The following PABPC4L variants were observed in gnomAD, a reference collection of about 807,000 sequenced individuals.
PABPC4L encodes the protein polyadenylate-binding protein 4-like.
For missense variants in PABPC4L, 452 were observed against 451.4 expected (o/e 1.00, Z -0.01); for synonymous variants, 169 against 164.1 (o/e 1.03, Z -0.23).
At chr4:134,039,904 C>T in the PABPC4L span, among the ~76,000 whole-genome samples, 1 of 152,098 alleles carries the variant, frequency 6.6e-6, no homozygotes, top group South Asian at 2.1e-4. Flanking sequence ...AAATTACGAG[C>T]ATTCCTATAC....
At chr4:134,070,483 G>A in the PABPC4L span, among the ~76,000 whole-genome samples, 1 of 152,256 alleles carries the variant, frequency 6.6e-6, no homozygotes, top group South Asian at 2.1e-4. Flanking sequence ...GCACAGCGGG[G>A]CATGGGGTTG....
chr4:134,080,175 T>A, the PABPC4L span, among the ~76,000 whole-genome samples: 1 of 152,160 alleles, frequency 6.6e-6, no homozygotes, highest in African/African-American at 2.4e-5. Context: ...TAAATTTGCA[T>A]CTATTTTGAA....
chr4:134,113,781 T>C, the PABPC4L span, among the ~76,000 whole-genome samples: 1 of 151,638 alleles, frequency 6.6e-6, no homozygotes. Flanking sequence ...CAGTGCAAAA[T>C]GTAGGAGAAA....
the PABPC4L span, among the ~76,000 whole-genome samples, chr4:133,952,948 G>A: frequency 2.0e-5 from 3 of 152,236 alleles, no homozygotes; most frequent in Non-Finnish European, 4.4e-5. Flanking sequence ...TCCCTAGAAT[G>A]TTCTGTGCCC....
Position 134,199,058 on chromosome 4 carries a change from A to C in PABPC4L, c.*849T>G, listed in dbSNP as rs1425736628. The C allele has an allele frequency of 6.6e-6, 1 of 152,078 alleles. No homozygotes were observed. The highest frequency in any genetic ancestry group is 1.5e-5 in the Non-Finnish European group (1 of 67,938). 9.4% of individuals were successfully genotyped at this position (152,078 alleles called of 1,614,324 possible). On this transcript the variant is annotated 3_prime_UTR_variant, in exon 2 of 2. Coordinates refer to ENST00000421491, the MANE Select transcript of PABPC4L (RefSeq NM_001114734.2). ...TATAATCTGTATGTATGATTTTCATAATATTAGCATCTGGTAAAAATTTAA... is the reference window on the plus strand; with the variant it reads ...TATAATCTGTATGTATGATTTTCATCATATTAGCATCTGGTAAAAATTTAA...
the PABPC4L span, among the ~76,000 whole-genome samples, chr4:134,101,082 C>T: frequency 6.6e-6 from 1 of 151,456 alleles, no homozygotes; most frequent in Non-Finnish European, 1.5e-5. Flanking sequence ...TATTTTGCAA[C>T]TCTAAAGGCT....
the PABPC4L span, among the ~76,000 whole-genome samples, chr4:133,992,204 A>G: frequency 1.3e-5 from 2 of 152,196 alleles, no homozygotes; most frequent in East Asian, 1.9e-4. Flanking sequence ...GTCGCCCTGC[A>G]AATGGCAGTG....
the PABPC4L span, among the ~76,000 whole-genome samples, chr4:133,966,724 G>T: frequency 9.9e-3 from 1,500 of 152,096 alleles, 26 homozygotes; most frequent in African/African-American, 0.035. Flanking sequence ...ACCAAACATC[G>T]TATGTTCTCA....
the PABPC4L span, among the ~76,000 whole-genome samples, chr4:134,100,475 T>C: frequency 6.6e-6 from 1 of 151,742 alleles, no homozygotes; most frequent in Admixed American, 6.6e-5. Context: ...TTTCACTCAT[T>C]TGGTAACCAT....
chr4:134,185,386 G>C, the PABPC4L span, among the ~76,000 whole-genome samples: 1 of 151,950 alleles, frequency 6.6e-6, no homozygotes, highest in East Asian at 1.9e-4. Context: ...GTTCAACATA[G>C]GGAAATCAAT....
At chr4:134,168,320 T>C in the PABPC4L span, among the ~76,000 whole-genome samples, 1 of 151,624 alleles carries the variant, frequency 6.6e-6, no homozygotes, top group Non-Finnish European at 1.5e-5. Flanking sequence ...TACATGAAAA[T>C]AGTAGAAAAA....
chr4:134,061,694 T>G, the PABPC4L span, among the ~76,000 whole-genome samples: 3 of 149,958 alleles, frequency 2.0e-5, no homozygotes, highest in Admixed American at 2.0e-4. Context: ...CTCTGTATAC[T>G]TCAAAAGAGG....
chr4:134,089,140 C>T, the PABPC4L span, among the ~76,000 whole-genome samples: 1 of 151,928 alleles, frequency 6.6e-6, no homozygotes, highest in Admixed American at 6.6e-5. Context: ...TATTTTATTG[C>T]TAATAGTAAC....
chr4:134,004,143 G>T, the PABPC4L span, among the ~76,000 whole-genome samples: 1 of 151,720 alleles, frequency 6.6e-6, no homozygotes, highest in Non-Finnish European at 1.5e-5. Flanking sequence ...AGACAAATAT[G>T]ATTCTAACAA....
the PABPC4L span, among the ~76,000 whole-genome samples, chr4:134,099,490 G>A: frequency 1.5e-4 from 23 of 151,562 alleles, no homozygotes; most frequent in Non-Finnish European, 2.7e-4. Context: ...TTTGGCCTCC[G>A]TACAATCTTG....
rs905185274 is a variant in PABPC4L at position 134,196,944 on chromosome 4, T to C, written c.*2963A>G. On this transcript the variant is annotated 3_prime_UTR_variant, in exon 2 of 2. Transcript: ENST00000421491. ...ATGTCCTATTAACTACTTACATACATGAAAGAACTCTGTTTCCTGATATTA... is the reference window on the plus strand; with the variant it reads ...ATGTCCTATTAACTACTTACATACACGAAAGAACTCTGTTTCCTGATATTA... The C allele has an allele frequency of 1.2e-4, 18 of 151,718 alleles. No individual in the cohort carries two copies. The highest frequency in any genetic ancestry group is 2.5e-4 in the Non-Finnish European group (17 of 67,652). 9.4% of individuals were successfully genotyped at this position (151,718 alleles called of 1,614,324 possible).
Position 134,201,187 on chromosome 4 carries a change from C to T in PABPC4L, c.-168G>A, listed in dbSNP as rs532372537. On this transcript the variant is annotated 5_prime_UTR_variant, in exon 2 of 2. It adds an upstream start codon to the 5' untranslated region. Coordinates refer to ENST00000421491, the MANE Select transcript of PABPC4L (RefSeq NM_001114734.2). ...CACGACTCCCCCAGCTCAGGCAACA[C>T]CCTCATCCAAAAGTCCCCACAGCCA... is the stretch of plus-strand genomic sequence containing the variant. 3.6e-5 allele frequency: 55 copies of T among 1,547,404 alleles called. No homozygotes were observed. In the African/African-American group the frequency reaches 7.0e-4, roughly 20 times the overall value.
chr4:134,173,159 C>CAAAAAAAAAAAAAAAAA, the PABPC4L span, among the ~76,000 whole-genome samples: 2 of 78,000 alleles, frequency 2.6e-5, no homozygotes, highest in Non-Finnish European at 2.6e-5. Flanking sequence ...GGAGATTCCT[C>CAAAAAAAAAAAAAAAAA]AAAAAAAAAA....
the PABPC4L span, among the ~76,000 whole-genome samples, chr4:133,984,006 T>C: frequency 6.6e-6 from 1 of 151,874 alleles, no homozygotes; most frequent in African/African-American, 2.4e-5. Context: ...AAATTATATA[T>C]GTAATCTAGT....
Sources: allele counts gnomAD v4.1 joint callset (sites outside exome capture counted in the v4.1 genomes callset), GRCh38; gene constraint gnomAD v4.1.1; transcripts MANE v1.5; gene names NCBI Gene and HGNC (gene_info 2026-07-23, HGNC 2026-07-21).